The following DAB1 variants were observed in gnomAD, a reference collection of about 807,000 sequenced individuals.
DAB1 encodes disabled homolog 1.
A neutral mutation model predicts 64.6 loss-of-function variants in DAB1; 15 were observed. The ratio of observed to expected loss-of-function variants is 0.23; its 90% confidence interval spans 0.16 to 0.36. The LOEUF (loss-of-function observed/expected upper bound fraction) is 0.36. DAB1 is among the 10% of genes least tolerant of loss of function. The pLI is 1.00. For synonymous variants in DAB1, 235 were observed against 251.9 expected, an observed-to-expected ratio of 0.93 and a Z score of 0.64; for missense variants, 596 against 706.7, an observed-to-expected ratio of 0.84 and a Z score of 1.78.
chr1:58,234,163 C>T (rs1659908464), intron 4 of DAB1, among the ~76,000 whole-genome samples: 1 of 152,220 alleles, frequency 6.6e-6, no homozygotes, highest in African/African-American at 2.4e-5. Flanking sequence ...CTTGAGACCA[C>T]ACGTTCTTTT....
At chr1:58,111,600 A>C (rs1651968145) in intron 5 of DAB1, among the ~76,000 whole-genome samples, 1 of 152,204 alleles carries the variant, frequency 6.6e-6, no homozygotes, top group African/African-American at 2.4e-5. Flanking sequence ...ACGTTGGATC[A>C]GAGAATGAGG....
intron 4 of DAB1, among the ~76,000 whole-genome samples, chr1:57,122,250 C>T (rs951662335): frequency 2.0e-5 from 3 of 152,166 alleles, no homozygotes; most frequent in African/African-American, 7.2e-5. Context: ...CAAGAGGCTT[C>T]TCTGATTCAT....
intron 9 of DAB1, among the ~76,000 whole-genome samples, chr1:57,059,169 AG>A (rs1650133359): frequency 6.6e-6 from 1 of 152,196 alleles, no homozygotes. Flanking sequence ...TCTTCTGTTA[AG>A]GGTTTTGTAT....
intron 2 of DAB1, among the ~76,000 whole-genome samples, chr1:58,522,639 A>C (rs1646282866): frequency 6.6e-6 from 1 of 152,190 alleles, no homozygotes. Context: ...GCAGTCAAAA[A>C]TCCACATGTA....
intron 4 of DAB1, among the ~76,000 whole-genome samples, chr1:57,090,310 T>G (rs1653528536): frequency 6.6e-6 from 1 of 152,168 alleles, no homozygotes; most frequent in Non-Finnish European, 1.5e-5. Context: ...CAGTTGCACC[T>G]GCAAGCAGGT....
intron 4 of DAB1, among the ~76,000 whole-genome samples, chr1:58,227,901 C>G (rs1000246870): frequency 6.6e-6 from 1 of 152,186 alleles, no homozygotes; most frequent in Admixed American, 6.5e-5. Context: ...CATTTCCCCC[C>G]TCTGCTGACA....
chr1:58,392,665 C>G (rs1478039284), intron 3 of DAB1, among the ~76,000 whole-genome samples: 1 of 152,178 alleles, frequency 6.6e-6, no homozygotes, highest in Non-Finnish European at 1.5e-5. Flanking sequence ...CCATCTCAAA[C>G]GAAATGTGGG....
intron 2 of DAB1, among the ~76,000 whole-genome samples, chr1:57,230,339 AC>A (rs1667579306): frequency 6.6e-6 from 1 of 151,880 alleles, no homozygotes; most frequent in African/African-American, 2.4e-5. Context: ...AAAAAAAAAA[AC>A]AGCTGCTAAA....
intron 1 of DAB1, among the ~76,000 whole-genome samples, chr1:58,530,251 C>A (rs1344479058): frequency 6.6e-6 from 1 of 152,104 alleles, no homozygotes; most frequent in Non-Finnish European, 1.5e-5. Context: ...GTCCTGTATA[C>A]CAAGGGACAG....
In DAB1 at chr1:57,320,472, A is replaced by T. The variant is rs1265390693; in HGVS notation, c.-136-29306T>A. On this transcript the variant is annotated intron_variant, in intron 1 of 14. Transcript: ENST00000371236. Reference sequence around the variant, plus strand: ...TCATAGAGCATTAATGAAAAAATAGATCTTCTCCATATAGACATGCATTCC... The same window carrying T: ...TCATAGAGCATTAATGAAAAAATAGTTCTTCTCCATATAGACATGCATTCC... Among the ~76,000 whole-genome samples, 9 of 152,286 alleles carry T rather than the reference A, an allele frequency of 5.9e-5. No individual in the cohort carries two copies. The East Asian group carries it at 1.7e-3, about 29-fold the overall frequency.
intron 3 of DAB1, among the ~76,000 whole-genome samples, chr1:58,457,291 G>A (rs190414706): frequency 1.3e-5 from 2 of 152,196 alleles, no homozygotes; most frequent in East Asian, 1.9e-4. Context: ...AAGAAGTAGC[G>A]AGGAAAACCA....
At chr1:57,015,716 T>C (rs534118843) in intron 11 of DAB1, among the ~76,000 whole-genome samples, 1 of 152,218 alleles carries the variant, frequency 6.6e-6, no homozygotes, top group Admixed American at 6.5e-5. Context: ...TAAAGTCTCA[T>C]AGCCTCAGAA....
intron 5 of DAB1, among the ~76,000 whole-genome samples, chr1:58,038,119 C>A (rs759532311): frequency 6.6e-6 from 1 of 152,078 alleles, no homozygotes; most frequent in African/African-American, 2.4e-5. Flanking sequence ...GAATATATGG[C>A]CCTCTTATGG....
chr1:58,030,252 T>G (rs1229328108), intron 5 of DAB1, among the ~76,000 whole-genome samples: 1 of 152,130 alleles, frequency 6.6e-6, no homozygotes, highest in Non-Finnish European at 1.5e-5. Context: ...GTGTGCATAT[T>G]ACTAAAAACA....
At chr1:58,171,283 C>A (rs894743679) in intron 4 of DAB1, among the ~76,000 whole-genome samples, 6 of 152,150 alleles carry the variant, frequency 3.9e-5, no homozygotes, top group Non-Finnish European at 7.3e-5. Context: ...GGCTTAAAGA[C>A]CTCACCACTT....
chr1:57,671,010 C>T (rs963618037), intron 6 of DAB1, among the ~76,000 whole-genome samples: 1 of 152,144 alleles, frequency 6.6e-6, no homozygotes, highest in Non-Finnish European at 1.5e-5. Flanking sequence ...ACAATGCCTA[C>T]ATGTCACTTC....
At chr1:57,311,063 C>A (rs1348723666) in intron 1 of DAB1, among the ~76,000 whole-genome samples, 1 of 152,016 alleles carries the variant, frequency 6.6e-6, no homozygotes, top group Non-Finnish European at 1.5e-5. Flanking sequence ...AGCGGCAGAA[C>A]TCAGATTTGA....
intron 3 of DAB1, among the ~76,000 whole-genome samples, chr1:58,408,714 G>C (rs1644640208): frequency 6.6e-6 from 1 of 152,196 alleles, no homozygotes; most frequent in African/African-American, 2.4e-5. Flanking sequence ...TGGAAGGAGT[G>C]GATGCTTGAG....
intron 6 of DAB1, among the ~76,000 whole-genome samples, chr1:57,784,705 G>T (rs1346654083): frequency 6.6e-6 from 1 of 152,126 alleles, no homozygotes; most frequent in East Asian, 1.9e-4. Flanking sequence ...GCAGAAGTTG[G>T]TTCCTGAGGT....
Sources: allele counts gnomAD v4.1 joint callset (sites outside exome capture counted in the v4.1 genomes callset), GRCh38; gene constraint gnomAD v4.1.1; transcripts MANE v1.5; gene names NCBI Gene and HGNC (gene_info 2026-07-23, HGNC 2026-07-21).